The following PI4K2A variants were observed in gnomAD, a reference collection of about 807,000 sequenced individuals.
PI4K2A encodes the protein phosphatidylinositol 4-kinase type 2 alpha, also known as phosphatidylinositol 4-kinase type 2-alpha.
Under a neutral mutation model 55.0 loss-of-function variants are expected in PI4K2A, and 20 were observed. The ratio of observed to expected loss-of-function variants is 0.36; its 90% CI spans 0.26 to 0.53. The LOEUF (loss-of-function observed/expected upper bound fraction) is 0.53. Ranked by LOEUF, PI4K2A falls within the 20% of genes least tolerant of loss-of-function variation. The pLI is 0.91. For synonymous variants in PI4K2A, 235 were observed against 258.5 expected (o/e 0.91, Z 0.87); for missense variants, 463 against 637.1 (o/e 0.73, Z 2.94).
At chr10:97,654,295 G>T (rs1223621192) in intron 2 of PI4K2A, among the ~76,000 whole-genome samples, 1 of 152,152 alleles carries the variant, frequency 6.6e-6, no homozygotes, top group Non-Finnish European at 1.5e-5. Context: ...GTGGACACTG[G>T]CAAGGTAGCC....
chr10:97,662,425 A>G (rs967402716), intron 4 of PI4K2A, among the ~76,000 whole-genome samples: 4 of 152,354 alleles, frequency 2.6e-5, no homozygotes, highest in African/African-American at 7.2e-5. Context: ...ATCTAGGGCA[A>G]TAGCAATCCA....
At chr10:97,655,390 A>ATT (rs531822466) in intron 2 of PI4K2A, among the ~76,000 whole-genome samples, 2 of 141,602 alleles carry the variant, frequency 1.4e-5, no homozygotes, top group Admixed American at 7.2e-5. Context: ...AAAAAAAAAA[A>ATT]TTTTTTTTCA....
At chr10:97,667,892 G>A (rs970086782) in intron 8 of PI4K2A, among the ~76,000 whole-genome samples, 13 of 152,164 alleles carry the variant, frequency 8.5e-5, no homozygotes, top group Non-Finnish European at 1.9e-4. Flanking sequence ...CTTATCAAGC[G>A]TTTAGTAAAA....
At chr10:97,665,364 TC>T (rs2135760171) in intron 6 of PI4K2A, among the ~76,000 whole-genome samples, 1 of 152,256 alleles carries the variant, frequency 6.6e-6, no homozygotes, top group Admixed American at 6.5e-5. Context: ...AACCTCCACC[TC>T]CTGGGTTCAA....
chr10:97,641,519 C>T (rs563281794), intron 1 of PI4K2A, among the ~76,000 whole-genome samples: 84 of 152,200 alleles, frequency 5.5e-4, no homozygotes, highest in East Asian at 9.7e-4. Context: ...GCTATTCGGC[C>T]GCCGACTTGC....
At chr10:97,673,008 GGAGTCTCT>G (rs1346887239) in intron 8 of PI4K2A, among the ~76,000 whole-genome samples, 14 of 147,840 alleles carry the variant, frequency 9.5e-5, no homozygotes, top group African/African-American at 5.0e-5. Flanking sequence ...TTTTTGAGAT[GGAGTCTCT>G]CACTCTGTTA....
intron 1 of PI4K2A, among the ~76,000 whole-genome samples, chr10:97,642,892 C>T (rs193192177): frequency 0.044 from 3,488 of 79,780 alleles, 278 homozygotes; most frequent in Middle Eastern, 0.09. Flanking sequence ...TTTCTTCCTT[C>T]CTTCCTTCCT....
At chr10:97,646,855 A>C (rs1025655328) in intron 1 of PI4K2A, among the ~76,000 whole-genome samples, 2 of 151,858 alleles carry the variant, frequency 1.3e-5, no homozygotes, top group Admixed American at 6.6e-5. Context: ...GCTCACTGCA[A>C]CTTCCACCTC....
At chr10:97,668,050 G>A (rs1409984012) in intron 8 of PI4K2A, among the ~76,000 whole-genome samples, 1 of 152,172 alleles carries the variant, frequency 6.6e-6, no homozygotes. Flanking sequence ...CCAAAGCATA[G>A]TAAAGAAATG....
chr10:97,652,936 A>T (rs1564774260), intron 2 of PI4K2A, among the ~76,000 whole-genome samples: 2 of 152,208 alleles, frequency 1.3e-5, no homozygotes, highest in African/African-American at 2.4e-5. Context: ...TAGCGAGAAA[A>T]TGTTTGACCA....
At chr10:97,668,580 GATA>G (rs1411321872) in intron 8 of PI4K2A, among the ~76,000 whole-genome samples, 2 of 151,910 alleles carry the variant, frequency 1.3e-5, no homozygotes, top group African/African-American at 2.4e-5. Context: ...CCTGTCTCAA[GATA>G]ATAATAATGG....
intron 1 of PI4K2A, among the ~76,000 whole-genome samples, chr10:97,646,813 T>C (rs1310237168): frequency 6.6e-6 from 1 of 151,970 alleles, no homozygotes; most frequent in African/African-American, 2.4e-5. Flanking sequence ...CTAGCTCTGT[T>C]GCCCAGGCTG....
At chr10:97,649,492 C>T (rs4919126) in intron 1 of PI4K2A, among the ~76,000 whole-genome samples, 1 of 151,500 alleles carries the variant, frequency 6.6e-6, no homozygotes, top group Admixed American at 6.6e-5. Context: ...GAGCTTCATT[C>T]TAACCAAGTA....
exon 9 of PI4K2A, chr10:97,674,772 AC>A (rs1458861673): frequency 6.6e-6 from 1 of 152,094 alleles, no homozygotes. Context: ...AGGTTCTTGG[AC>A]TTTTTTCTGT....
chr10:97,656,423 A>G lies in PI4K2A; in HGVS notation c.768+7A>G. On this transcript the variant is annotated splice_region_variant and intron_variant, in intron 3 of 8. Coordinates refer to ENST00000370631, the Ensembl canonical transcript of PI4K2A. This position sits in a 1 kb window ranked among gnomAD's most constrained non-coding sequence, Gnocchi z 4.5. ...CATCGGGCTACCACCAAAGGTATAGACGCACCTCTGGCTTATCAAGGGTCA... is the reference window on the plus strand; with the variant it reads ...CATCGGGCTACCACCAAAGGTATAGGCGCACCTCTGGCTTATCAAGGGTCA... 1.2e-6 allele frequency: 2 copies of G among 1,613,524 alleles called. No homozygotes were observed. Among genetic ancestry groups the G allele is most frequent in the Non-Finnish European group, 1.7e-6 (2 of 1,179,626 alleles).
intron 6 of PI4K2A, among the ~76,000 whole-genome samples, chr10:97,665,758 A>C (rs2041607062): frequency 6.6e-6 from 1 of 151,570 alleles, no homozygotes; most frequent in African/African-American, 2.4e-5. Context: ...ATGCCCAGCT[A>C]ATTTTTGTAT....
rs767303068 is a variant in PI4K2A, at chr10:97,664,856, T to A, written c.985-29T>A. On this transcript the variant is annotated intron_variant, in intron 5 of 8. Coordinates refer to ENST00000370631, the Ensembl canonical transcript of PI4K2A. ...AAGGGCCTGAGGGAGATGGGTTTCC[T>A]CAGTCATTAGTCTTTCCTTGCTCTT... The A allele has an allele frequency of 4.0e-6, 6 of 1,508,710 alleles. No homozygotes were observed. The South Asian group carries it at 4.5e-5, about 11-fold the overall frequency. The allele number at this position is 1,508,710 out of a possible 1,614,324, so 93.5% of individuals were successfully genotyped here. A position where few individuals can be genotyped will look rare whatever the true frequency, so the allele number is the denominator to read the frequency against.
intron 1 of PI4K2A, among the ~76,000 whole-genome samples, chr10:97,642,376 A>G (rs1249915478): frequency 1.3e-5 from 2 of 151,196 alleles, no homozygotes; most frequent in Non-Finnish European, 3.0e-5. Flanking sequence ...GCGAGTAATA[A>G]GTCTTTCGAA....
At chr10:97,675,164 A>G (rs370323016) in exon 9 of PI4K2A, 2 of 152,782 alleles carry the variant, frequency 1.3e-5, no homozygotes, top group Non-Finnish European at 2.9e-5. Flanking sequence ...TGGTCAGTCA[A>G]CCTCAGAAAG....
Sources: gnomAD v4.1 joint callset for allele counts (sites outside exome capture counted in the v4.1 genomes callset) on GRCh38, gnomAD v4.1.1 for gene constraint, Gnocchi (gnomAD v3.1) non-coding constraint, MANE v1.5 for transcripts, NCBI Gene and HGNC (gene_info 2026-07-23, HGNC 2026-07-21) for gene names.